The following ARID1B variants were observed in gnomAD, a reference collection of about 807,000 sequenced individuals.
The protein encoded by ARID1B is AT-rich interactive domain-containing protein 1B.
Under a neutral mutation model 212.3 loss-of-function variants are expected in ARID1B, and 30 were observed. That is an observed-to-expected ratio of 0.14 (90% CI 0.11 to 0.19). ARID1B has a LOEUF of 0.19. ARID1B is among the 10% of genes least tolerant of loss of function. The pLI is 1.00. For missense variants in ARID1B, 2,891 were observed against 3,204.0 expected (o/e 0.90, Z 2.36); for synonymous variants, 1,402 against 1,301.7 (o/e 1.08, Z -1.66).
chr6:156,858,706 C>T (rs967988420), intron 2 of ARID1B, among the ~76,000 whole-genome samples: 42 of 152,204 alleles, frequency 2.8e-4, no homozygotes, highest in African/African-American at 9.6e-4. Context: ...AAGGTGGTGG[C>T]TGGAGTGAGC....
intron 9 of ARID1B, chr6:157,168,953 A>G (rs1791519571): frequency 6.6e-6 from 1 of 152,220 alleles, no homozygotes; most frequent in Admixed American, 6.5e-5. Context: ...ATTAAGTGAA[A>G]TGCATAACAG....
chr6:156,905,512 C>T lies in ARID1B; in HGVS notation c.2136+3987C>T, dbSNP rs139960867. Among the ~76,000 whole-genome samples the T allele has an allele frequency of 1.3e-3, 196 of 152,298 alleles. 2 individuals are homozygous for T. Among genetic ancestry groups the T allele is most frequent in the African/African-American group, 4.5e-3 (186 of 41,568 alleles). The stretch of plus-strand genomic sequence containing the variant: ...AACAATCTGTTATTCTCAGAGTCTC[C>T]GTTGAAATTGTTAATTCCATTTACA... On this transcript the variant is annotated intron_variant, in intron 3 of 19. Transcript: ENST00000636930.
intron 4 of ARID1B, chr6:156,936,194 T>G (rs1792193769): frequency 6.6e-6 from 1 of 151,986 alleles, no homozygotes; most frequent in Non-Finnish European, 1.5e-5. Flanking sequence ...AATACAAAAT[T>G]AGCCAGGTGT....
At chr6:157,189,858 GAGA>G in intron 14 of ARID1B, 78 bp downstream of exon 14, 1 of 1,598,936 alleles carries the variant, frequency 6.3e-7, no homozygotes, top group Non-Finnish European at 8.5e-7. Flanking sequence ...ACTTCACAGA[GAGA>G]AGAAATGGTA....
intron 3 of ARID1B, among the ~76,000 whole-genome samples, chr6:156,930,512 A>G (rs1388847968): frequency 6.6e-6 from 1 of 152,228 alleles, no homozygotes; most frequent in Non-Finnish European, 1.5e-5. Context: ...CAGTGTGACA[A>G]TGGACATATA....
chr6:156,881,598 T>C (rs1038941309), intron 2 of ARID1B, among the ~76,000 whole-genome samples: 1 of 152,234 alleles, frequency 6.6e-6, no homozygotes, highest in South Asian at 2.1e-4. Flanking sequence ...ACCTCAATAC[T>C]GGGCTACTTT....
intron 4 of ARID1B, among the ~76,000 whole-genome samples, chr6:156,966,381 C>CTTTCTTTTTTT (rs1794742120): frequency 2.2e-5 from 2 of 89,436 alleles, no homozygotes; most frequent in Admixed American, 1.3e-4. Context: ...CTTTTCTTTT[C>CTTTCTTTTTTT]TTTTCTTTTT....
At chr6:157,090,758 G>A (rs1785228537) in intron 5 of ARID1B, among the ~76,000 whole-genome samples, 1 of 152,230 alleles carries the variant, frequency 6.6e-6, no homozygotes, top group African/African-American at 2.4e-5. Context: ...ATGAGGGATG[G>A]GTCAGGGTGC....
At chr6:156,934,918 A>C (rs1230166656) in intron 3 of ARID1B, among the ~76,000 whole-genome samples, 3 of 21,680 alleles carry the variant, frequency 1.4e-4, no homozygotes, top group Admixed American at 3.6e-4. Flanking sequence ...TTAATTATAT[A>C]TATATATATA....
At chr6:157,191,409 C>G (rs760951570) in intron 15 of ARID1B, among the ~76,000 whole-genome samples, 4 of 151,774 alleles carry the variant, frequency 2.6e-5, no homozygotes, top group African/African-American at 9.7e-5. Context: ...GGGTGTGTCC[C>G]GGTGGTAAGG....
chr6:156,887,244 C>T (rs778128937), intron 2 of ARID1B, among the ~76,000 whole-genome samples: 4 of 152,120 alleles, frequency 2.6e-5, no homozygotes, highest in Non-Finnish European at 5.9e-5. Context: ...GCAGTGGGTG[C>T]CAGTAACGTA....
At chr6:157,127,698 C>T (rs1458113263) in intron 6 of ARID1B, among the ~76,000 whole-genome samples, 3 of 148,630 alleles carry the variant, frequency 2.0e-5, no homozygotes, top group Non-Finnish European at 4.4e-5. Flanking sequence ...ATCGCTTGAA[C>T]TCAGGAGGTG....
At chr6:156,907,239 T>A (rs1037419002) in intron 3 of ARID1B, among the ~76,000 whole-genome samples, 1 of 152,186 alleles carries the variant, frequency 6.6e-6, no homozygotes, top group Non-Finnish European at 1.5e-5. Flanking sequence ...TTTCCCTTTC[T>A]TTTTGTAGCT....
chr6:156,801,772 A>G (rs1318207656), intron 1 of ARID1B, among the ~76,000 whole-genome samples: 1 of 152,118 alleles, frequency 6.6e-6, no homozygotes, highest in Non-Finnish European at 1.5e-5. Flanking sequence ...ATATCCACTG[A>G]AAATAAATGT....
chr6:157,069,262 T>C (rs1235581701), intron 4 of ARID1B, among the ~76,000 whole-genome samples: 1 of 152,222 alleles, frequency 6.6e-6, no homozygotes, highest in Non-Finnish European at 1.5e-5. Flanking sequence ...TATATATTAT[T>C]CATGTCCTGC....
At chr6:156,902,667 G>A in intron 3 of ARID1B, among the ~76,000 whole-genome samples, 1 of 150,216 alleles carries the variant, frequency 6.7e-6, no homozygotes, top group Middle Eastern at 3.4e-3. Context: ...AACCCGGGAG[G>A]CGGAGGTTGC....
chr6:157,008,887 A>T (rs1225166136), intron 4 of ARID1B, among the ~76,000 whole-genome samples: 1 of 152,134 alleles, frequency 6.6e-6, no homozygotes, highest in African/African-American at 2.4e-5. Context: ...ACGCTAGCAC[A>T]CCCACCTTCC....
chr6:156,961,515 C>T (rs1306117510), intron 4 of ARID1B, among the ~76,000 whole-genome samples: 2 of 152,164 alleles, frequency 1.3e-5, no homozygotes, highest in Admixed American at 1.3e-4. Flanking sequence ...CTGCGTTGCG[C>T]GGGCAGGACA....
chr6:156,818,098 ATT>A (rs71027317), intron 1 of ARID1B, among the ~76,000 whole-genome samples: 46 of 61,324 alleles, frequency 7.5e-4, no homozygotes, highest in Admixed American at 3.7e-3. Context: ...TAGTTGCCCT[ATT>A]TTTTTTTTTT....
Sources: allele counts gnomAD v4.1 joint callset (sites outside exome capture counted in the v4.1 genomes callset), GRCh38; gene constraint gnomAD v4.1.1; transcripts MANE v1.5; gene names NCBI Gene and HGNC (gene_info 2026-07-23, HGNC 2026-07-21).